Variants in WDR55 observed in about 807,000 individuals in gnomAD.
WDR55 encodes WD repeat domain 55, also known as WD repeat-containing protein 55.
Under a neutral mutation model 34.0 loss-of-function variants are expected in WDR55, and 31 were observed. The observed-to-expected ratio is 0.91, with a 90% CI of 0.69 to 1.23. The LOEUF (loss-of-function observed/expected upper bound fraction) is 1.23, where lower values mean the gene tolerates loss of function less well. Among genes scored for constraint, WDR55 ranks in the 50% most tolerant of loss-of-function variants. WDR55 has a pLI of 0.00. For missense variants in WDR55, 440 were observed against 494.6 expected, an observed-to-expected ratio of 0.89 and a Z score of 1.05; for synonymous variants, 164 against 185.9, an observed-to-expected ratio of 0.88 and a Z score of 0.96.
Position 140,669,077 on chromosome 5 carries a change from A to C in WDR55, c.661-2A>C. On this transcript the variant is annotated splice_acceptor_variant, in intron 5 of 6. Coordinates refer to ENST00000358337, the MANE Select transcript of WDR55 (RefSeq NM_017706.5). LOFTEE classifies it high-confidence loss of function. ...CACATTGTTTTCTCTATTTCCCTGC[A>C]GTGGGGGAAGAAGGTAGCCTGTGGC... is the stretch of plus-strand genomic sequence containing the variant. 1 of 1,614,100 alleles carries C rather than the reference A, an allele frequency of 6.2e-7. No individual in the cohort carries two copies. The highest frequency in any genetic ancestry group is 8.5e-7 in the Non-Finnish European group (1 of 1,180,012).
rs561850684 is a variant in WDR55, at chr5:140,670,186, C to G, written c.*532C>G. 1 of 153,460 alleles carries G rather than the reference C, an allele frequency of 6.5e-6. No homozygotes were observed. Among genetic ancestry groups the G allele is most frequent in the Admixed American group, 6.5e-5 (1 of 15,490 alleles). The allele number at this position is 153,460 out of a possible 1,614,324, so 9.5% of individuals were successfully genotyped here. A position where few individuals can be genotyped will look rare whatever the true frequency, so the allele number is the denominator to read the frequency against. On this transcript the variant is annotated 3_prime_UTR_variant, in exon 7 of 7. Transcript: ENST00000358337. ...GACTTAACAGGCATCTGCCACCATG[C>G]TTGACTAATTTTTGTGATTTTTTTT...
At chr5:140,668,118 G>A in intron 1 of WDR55, 116 bp from the exon 2 acceptor site, 1 of 1,210,438 alleles carries the variant, frequency 8.3e-7, no homozygotes, top group South Asian at 1.7e-5. Flanking sequence ...GGGCTTAGAG[G>A]TGTAGAAGCA....
intron 1 of WDR55, among the ~76,000 whole-genome samples, chr5:140,665,463 G>T (rs955639103): frequency 6.6e-6 from 1 of 152,104 alleles, no homozygotes; most frequent in Admixed American, 6.5e-5. Flanking sequence ...GGTTCAAGCA[G>T]TTCTCTTCCT....
Position 140,668,623 on chromosome 5 carries a change from ATAGTCTT to A in WDR55, c.393_399del (p.Ser132CysfsTer28). The A allele has an allele frequency of 6.2e-7, 1 of 1,613,674 alleles. No homozygotes were observed. Among genetic ancestry groups the A allele is most frequent in the Non-Finnish European group, 8.5e-7 (1 of 1,179,738 alleles). Reference sequence around the variant, plus strand: ...ATCTGTGTCTCTAGTGCCCCCATCAATAGTCTTCTGCTGGTGGATGAGAATGTTCTGG... The same window carrying A: ...ATCTGTGTCTCTAGTGCCCCCATCAACTGCTGGTGGATGAGAATGTTCTGG... On this transcript the variant is annotated frameshift_variant, in exon 4 of 7. Transcript: ENST00000358337. LOFTEE classifies it high-confidence loss of function.
chr5:140,670,848 C>G lies in WDR55; in HGVS notation c.*1194C>G. ...ACAACCAGCATAGAAAGACCCAAAA[C>G]TATACAGAAACCAAAACCAGAATGC... On this transcript the variant is annotated 3_prime_UTR_variant, in exon 7 of 7. Transcript: ENST00000358337. 4.0e-6 allele frequency: 1 copy of G among 249,394 alleles called. No individual in the cohort carries two copies. The highest frequency in any genetic ancestry group is 7.9e-6 in the Non-Finnish European group (1 of 125,824). 15.4% of individuals were successfully genotyped at this position (249,394 alleles called of 1,614,324 possible).
In WDR55 at chr5:140,669,658, A is replaced by T; in HGVS notation, c.*4A>T. On this transcript the variant is annotated 3_prime_UTR_variant, in exon 7 of 7. Coordinates refer to ENST00000358337, the MANE Select transcript of WDR55 (RefSeq NM_017706.5). Reference sequence around the variant, plus strand: ...GACTGGGGATGACAGTGACTGAAGGAATGAATTGAATCTTGAGACGGGTCC... The same window carrying T: ...GACTGGGGATGACAGTGACTGAAGGTATGAATTGAATCTTGAGACGGGTCC... The T allele has an allele frequency of 6.2e-7, 1 of 1,609,188 alleles. No individual in the cohort carries two copies. The highest frequency in any genetic ancestry group is 8.5e-7 in the Non-Finnish European group (1 of 1,176,870).
At chr5:140,669,018 G>A (rs1423317965) in intron 5 of WDR55, 28 bp downstream of exon 5, 3 of 1,614,014 alleles carry the variant, frequency 1.9e-6, no homozygotes, top group Non-Finnish European at 2.5e-6. Context: ...GGGATGGAGG[G>A]GTGTGTGCTG....
Position 140,668,594 on chromosome 5 carries a change from C to G in WDR55, c.381-18C>G. ...TGGGACAGAGATGCTCCAAGAAGTT[C>G]TACATCTGTGTCTCTAGTGCCCCCA... On this transcript the variant is annotated intron_variant, in intron 3 of 6. Transcript: ENST00000358337. 1 of 1,611,682 alleles carries G rather than the reference C, an allele frequency of 6.2e-7. No homozygotes were observed.
Position 140,671,681 on chromosome 5 carries a change from C to T in WDR55, c.*2027C>T, listed in dbSNP as rs143703434. On this transcript the variant is annotated 3_prime_UTR_variant, in exon 7 of 7. Coordinates refer to ENST00000358337, the MANE Select transcript of WDR55 (RefSeq NM_017706.5). The stretch of plus-strand genomic sequence containing the variant: ...CAAGAAGGGACCCACAAGCTGCTGG[C>T]GAAGTCGCTGCTTCAGGTCTGGCTT... The T allele has an allele frequency of 7.4e-5, 117 of 1,584,546 alleles. No homozygotes were observed. The highest frequency in any genetic ancestry group is 3.4e-4 in the East Asian group (15 of 43,898).
Position 140,671,162 on chromosome 5 carries a change from A to G in WDR55, c.*1508A>G, listed in dbSNP as rs1758062290. 2 of 1,169,422 alleles carry G rather than the reference A, an allele frequency of 1.7e-6. No individual in the cohort carries two copies. Among genetic ancestry groups the G allele is most frequent in the African/African-American group, 3.1e-5 (2 of 65,296 alleles). The allele number at this position is 1,169,422 out of a possible 1,614,324, so 72.4% of individuals were successfully genotyped here. On this transcript the variant is annotated 3_prime_UTR_variant, in exon 7 of 7. Transcript: ENST00000358337. The stretch of plus-strand genomic sequence containing the variant: ...GCCATAGGTCCCTGTCCCAGCAGGG[A>G]GGCTGATGGGCCTGGGCCCATGCCC...
Position 140,671,938 on chromosome 5 carries a change from C to T in WDR55, c.*2284C>T, listed in dbSNP as rs1392105541. ...TTTGCAAAGGGAGTATAACACACTGCTACCTTACAAGTTTCCTTGGAGAAG... is the reference window on the plus strand; with the variant it reads ...TTTGCAAAGGGAGTATAACACACTGTTACCTTACAAGTTTCCTTGGAGAAG... On this transcript the variant is annotated 3_prime_UTR_variant, in exon 7 of 7. Coordinates refer to ENST00000358337, the MANE Select transcript of WDR55 (RefSeq NM_017706.5). 1.8e-5 allele frequency: 12 copies of T among 662,820 alleles called. No homozygotes were observed. The highest frequency in any genetic ancestry group is 3.1e-5 in the Non-Finnish European group (12 of 384,354). 41.1% of individuals were successfully genotyped at this position (662,820 alleles called of 1,614,324 possible).
chr5:140,667,354 C>T (rs2563312), intron 1 of WDR55: 15,171 of 160,150 alleles, frequency 0.095, 839 homozygotes, highest in Non-Finnish European at 0.11. Context: ...ATGCCCACCC[C>T]AGCCCATCTT....
Position 140,672,190 on chromosome 5 carries a change from G to A in WDR55, c.*2536G>A. ...AGTTTCCTCATAGCTTGAGGGTCCT[G>A]TGCCTATTTTGCGGTGTGGGGGTGG... On this transcript the variant is annotated 3_prime_UTR_variant, in exon 7 of 7. Transcript: ENST00000358337. The A allele has an allele frequency of 1.7e-6, 1 of 583,660 alleles. No individual in the cohort carries two copies. The highest frequency in any genetic ancestry group is 2.1e-5 in the South Asian group (1 of 48,386). The allele number at this position is 583,660 out of a possible 1,614,324, so 36.2% of individuals were successfully genotyped here. A position where few individuals can be genotyped will look rare whatever the true frequency, so the allele number is the denominator to read the frequency against.
At position 140,669,659 on chromosome 5, in the gene WDR55, ATGAAT is replaced by A; in HGVS notation, c.*11_*15del. On this transcript the variant is annotated 3_prime_UTR_variant, in exon 7 of 7. Coordinates refer to ENST00000358337, the MANE Select transcript of WDR55 (RefSeq NM_017706.5). The stretch of plus-strand genomic sequence containing the variant: ...ACTGGGGATGACAGTGACTGAAGGA[ATGAAT>A]TGAATCTTGAGACGGGTCCTCACCA... 6.2e-7 allele frequency: 1 copy of A among 1,609,148 alleles called. No individual in the cohort carries two copies. Among genetic ancestry groups the A allele is most frequent in the Non-Finnish European group, 8.5e-7 (1 of 1,176,832 alleles).
Position 140,671,560 on chromosome 5 carries a change from T to C in WDR55, c.*1906T>C, listed in dbSNP as rs1257006091. The stretch of plus-strand genomic sequence containing the variant: ...GGAACACAGGGCTGCCCAGCTTCAT[T>C]CGTTGGCACAGCAACTGCAGGGTAG... On this transcript the variant is annotated 3_prime_UTR_variant, in exon 7 of 7. Transcript: ENST00000358337. The C allele has an allele frequency of 2.6e-6, 4 of 1,567,328 alleles. No individual in the cohort carries two copies. The African/African-American group carries it at 4.1e-5, about 16-fold the overall frequency.
In WDR55 at chr5:140,666,949, T is replaced by C. The variant is rs765250559; in HGVS notation, c.192-1285T>C. On this transcript the variant is annotated intron_variant, in intron 1 of 6. Coordinates refer to ENST00000358337, the MANE Select transcript of WDR55 (RefSeq NM_017706.5). ...GGCAGTGGAAAAGTTGAAGATGTTATGCTTATCAGATTTACTTAATGAATT... is the reference window on the plus strand; with the variant it reads ...GGCAGTGGAAAAGTTGAAGATGTTACGCTTATCAGATTTACTTAATGAATT... The C allele has an allele frequency of 4.6e-4, 454 of 985,378 alleles. 2 individuals are homozygous for C. Among genetic ancestry groups the C allele is most frequent in the Admixed American group, 3.3e-3 (54 of 16,274 alleles). The allele number at this position is 985,378 out of a possible 1,614,324, so 61.0% of individuals were successfully genotyped here.
In WDR55 at chr5:140,665,073, C is replaced by T; in HGVS notation, c.161C>T (p.Ala54Val). The T allele has an allele frequency of 1.6e-5, 26 of 1,608,238 alleles. No homozygotes were observed. Among genetic ancestry groups the T allele is most frequent in the Non-Finnish European group, 2.1e-5 (25 of 1,176,356 alleles). The stretch of plus-strand genomic sequence containing the variant: ...TTCCATCCGGCCCGTGACCTACTGG[C>T]TGCAGGGGACGTGGACGGGGACGTG... ...LAFHPARDLL[A>V]AGDVDGDVFV... Residue 54 changes from alanine (A) to valine (V), a missense_variant, in exon 1 of 7, where the codon GCT (alanine) becomes GTT (valine). Coordinates refer to ENST00000358337, the MANE Select transcript of WDR55 (RefSeq NM_017706.5).
chr5:140,667,182 C>T (rs1269354850), intron 1 of WDR55: 1 of 975,814 alleles, frequency 1.0e-6, no homozygotes, highest in Non-Finnish European at 1.2e-6. Context: ...AGACATCCAC[C>T]TTTCTTCACA....
chr5:140,671,191 C>T lies in WDR55; in HGVS notation c.*1537C>T. On this transcript the variant is annotated 3_prime_UTR_variant, in exon 7 of 7. Coordinates refer to ENST00000358337, the MANE Select transcript of WDR55 (RefSeq NM_017706.5). The stretch of plus-strand genomic sequence containing the variant: ...TGATGGGCCTGGGCCCATGCCCCTC[C>T]CCACCTTTGGGGGTCAGAAAGTGGC... 1 of 1,487,522 alleles carries T rather than the reference C, an allele frequency of 6.7e-7. No individual in the cohort carries two copies. Among genetic ancestry groups the T allele is most frequent in the Non-Finnish European group, 9.3e-7 (1 of 1,071,246 alleles). 92.1% of individuals were successfully genotyped at this position (1,487,522 alleles called of 1,614,324 possible). A position where few individuals can be genotyped will look rare whatever the true frequency, so the allele number is the denominator to read the frequency against.
Sources: gnomAD v4.1 joint callset for allele counts (sites outside exome capture counted in the v4.1 genomes callset) on GRCh38, gnomAD v4.1.1 for gene constraint, MANE v1.5 for transcripts, NCBI Gene and HGNC (gene_info 2026-07-23, HGNC 2026-07-21) for gene names.